GFRA1: variants seen among roughly 807,000 people sequenced by gnomAD.
GFRA1 encodes the protein GDNF family receptor alpha 1.
In GFRA1, 16 loss-of-function variants were observed where a neutral mutation model predicts 51.6. That is an observed-to-expected ratio of 0.31 (90% confidence interval 0.21 to 0.47). GFRA1 has a LOEUF of 0.47. GFRA1 is among the 20% of genes least tolerant of loss of function. GFRA1 has a pLI of 1.00. For missense variants in GFRA1, 530 were observed against 594.3 expected, an observed-to-expected ratio of 0.89 and a Z score of 1.13; for synonymous variants, 270 against 241.3, an observed-to-expected ratio of 1.12 and a Z score of -1.10.
chr10:116,186,548 C>G (rs940275666), intron 5 of GFRA1, among the ~76,000 whole-genome samples: 1 of 134,336 alleles, frequency 7.4e-6, no homozygotes, highest in Admixed American at 8.3e-5. Flanking sequence ...TCTTTATCTG[C>G]ATAAGGCAGA....
intron 4 of GFRA1, among the ~76,000 whole-genome samples, chr10:116,244,203 G>C (rs1565675897): frequency 1.3e-5 from 2 of 151,514 alleles, no homozygotes; most frequent in Non-Finnish European, 1.5e-5. Flanking sequence ...ATCTATTACA[G>C]ATTTATTACA....
intron 6 of GFRA1, among the ~76,000 whole-genome samples, chr10:116,097,679 A>G (rs1160941689): frequency 2.0e-5 from 3 of 152,188 alleles, no homozygotes; most frequent in Non-Finnish European, 4.4e-5. Context: ...CTCTGTTTCT[A>G]TGGAAGAACA....
chr10:116,236,584 C>T (rs1966886411), intron 4 of GFRA1, among the ~76,000 whole-genome samples: 1 of 151,964 alleles, frequency 6.6e-6, no homozygotes, highest in African/African-American at 2.4e-5. Flanking sequence ...TTGAATAAAC[C>T]CCTAATGTAT....
intron 5 of GFRA1, among the ~76,000 whole-genome samples, chr10:116,182,735 A>G (rs1324455328): frequency 1.3e-5 from 2 of 152,236 alleles, no homozygotes; most frequent in East Asian, 3.8e-4. Context: ...AAACGCAATG[A>G]ACCTGACTCT....
chr10:116,231,859 A>C (rs1456557821), intron 4 of GFRA1, among the ~76,000 whole-genome samples: 1 of 152,242 alleles, frequency 6.6e-6, no homozygotes, highest in Non-Finnish European at 1.5e-5. Context: ...ATTTAAAACG[A>C]ATTCAACCAA....
At chr10:116,230,301 A>G (rs1966596460) in intron 4 of GFRA1, among the ~76,000 whole-genome samples, 1 of 152,232 alleles carries the variant, frequency 6.6e-6, no homozygotes, top group African/African-American at 2.4e-5. Context: ...TATCCCTGAA[A>G]GATGAGTACT....
chr10:116,134,483 C>T (rs891588395), intron 5 of GFRA1, among the ~76,000 whole-genome samples: 2 of 152,172 alleles, frequency 1.3e-5, no homozygotes, highest in Admixed American at 6.5e-5. Flanking sequence ...CAGGTTGTGA[C>T]CCTTGTAACT....
intron 5 of GFRA1, among the ~76,000 whole-genome samples, chr10:116,163,104 G>A (rs1353162768): frequency 6.6e-6 from 1 of 152,104 alleles, no homozygotes; most frequent in East Asian, 1.9e-4. Flanking sequence ...GAGGAAAATC[G>A]ATGTAATGAC....
Position 116,272,174 on chromosome 10 carries a change from G to A in GFRA1, c.-145C>T. 7 of 757,098 alleles carry A rather than the reference G, an allele frequency of 9.2e-6. No individual in the cohort carries two copies. The highest frequency in any genetic ancestry group is 1.3e-5 in the Non-Finnish European group (6 of 444,450). 46.9% of individuals were successfully genotyped at this position (757,098 alleles called of 1,614,324 possible). On this transcript the variant is annotated 5_prime_UTR_variant, in exon 2 of 11. Coordinates refer to ENST00000355422, the MANE Select transcript of GFRA1 (RefSeq NM_005264.8). The surrounding 1 kb of genome is among the most constrained non-coding windows in gnomAD (Gnocchi z 4.4). ...AGTTCAGCTCCATCCAGTGAAAGAG[G>A]AAACTCCGGGTCTGGCAGCAGCCAC...
At chr10:116,236,175 T>A (rs1436203781) in intron 4 of GFRA1, among the ~76,000 whole-genome samples, 3 of 152,150 alleles carry the variant, frequency 2.0e-5, no homozygotes, top group Non-Finnish European at 4.4e-5. Context: ...CAACCCCTAG[T>A]GCCCTCTGAG....
At chr10:116,134,025 A>G (rs1958214991) in intron 5 of GFRA1, among the ~76,000 whole-genome samples, 1 of 152,262 alleles carries the variant, frequency 6.6e-6, no homozygotes, top group Non-Finnish European at 1.5e-5. Context: ...CCAGCTAACC[A>G]GTTGAAACGA....
At chr10:116,269,359 C>G (rs1969913025) in intron 4 of GFRA1, 144 bp downstream of exon 4, 1 of 704,456 alleles carries the variant, frequency 1.4e-6, no homozygotes, top group Admixed American at 2.0e-5. Flanking sequence ...TATGCCTCTT[C>G]ATTATCATCA....
intron 5 of GFRA1, among the ~76,000 whole-genome samples, chr10:116,148,409 C>A (rs1323231131): frequency 6.6e-6 from 1 of 152,156 alleles, no homozygotes. Flanking sequence ...CTGTACCCCA[C>A]TTCTGACCCC....
chr10:116,172,877 G>A (rs1423430846), intron 5 of GFRA1, among the ~76,000 whole-genome samples: 1 of 152,198 alleles, frequency 6.6e-6, no homozygotes, highest in Non-Finnish European at 1.5e-5. Flanking sequence ...GCAGTCATGG[G>A]GAGGTAGGTC....
chr10:116,274,161 A>G (rs917180562), upstream of GFRA1, among the ~76,000 whole-genome samples: 11 of 145,318 alleles, frequency 7.6e-5, no homozygotes, highest in African/African-American at 2.8e-4. Flanking sequence ...CGTGCTGCTC[A>G]CCCCCCGCCC....
At chr10:116,098,880 G>A (rs1305507569) in intron 6 of GFRA1, among the ~76,000 whole-genome samples, 2 of 152,208 alleles carry the variant, frequency 1.3e-5, no homozygotes, top group East Asian at 3.8e-4. Flanking sequence ...CCCCGATTGG[G>A]AGGATAAAAC....
intron 4 of GFRA1, among the ~76,000 whole-genome samples, chr10:116,258,719 C>T (rs1014005514): frequency 1.3e-5 from 2 of 152,116 alleles, no homozygotes; most frequent in Non-Finnish European, 2.9e-5. Context: ...GCCCCCAAGA[C>T]AAGTTTCTCA....
chr10:116,202,522 A>C (rs1964417816), intron 5 of GFRA1, among the ~76,000 whole-genome samples: 1 of 152,080 alleles, frequency 6.6e-6, no homozygotes, highest in Admixed American at 6.5e-5. Flanking sequence ...TAAAGAACTA[A>C]CCGAGACTGG....
intron 6 of GFRA1, among the ~76,000 whole-genome samples, chr10:116,118,093 T>C (rs1352623028): frequency 6.6e-6 from 1 of 152,198 alleles, no homozygotes; most frequent in Non-Finnish European, 1.5e-5. Context: ...TGTGAATGAT[T>C]GTAACCCCAC....
Sources: gnomAD v4.1 joint callset for allele counts (sites outside exome capture counted in the v4.1 genomes callset) on GRCh38, gnomAD v4.1.1 for gene constraint, Gnocchi (gnomAD v3.1) non-coding constraint, MANE v1.5 for transcripts, NCBI Gene and HGNC (gene_info 2026-07-23, HGNC 2026-07-21) for gene names.